Variants in CHODL observed in about 807,000 individuals in gnomAD.
CHODL encodes chondrolectin.
In CHODL, 29 loss-of-function variants were observed where a neutral mutation model predicts 34.5. That is an observed-to-expected ratio of 0.84 (90% CI 0.63 to 1.15). The LOEUF (loss-of-function observed/expected upper bound fraction) is 1.15, where lower values mean the gene tolerates loss of function less well. CHODL is among the 50% of genes most tolerant of loss of function. The pLI, the probability that CHODL is intolerant of heterozygous loss-of-function variation, is 0.00. For synonymous variants in CHODL, 125 were observed against 116.1 expected (o/e 1.08, Z -0.49); for missense variants, 332 against 332.5 (o/e 1.00, Z 0.01).
Position 18,118,777 on chromosome 21 carries a change from A to G in CHODL, c.-45+90806A>G, listed in dbSNP as rs570219493. Reference sequence around the variant, plus strand: ...TCTCCTTAATTATGTGCTTCCTTTCATAGCTCTTCTGTCTTGAAAGGGCAG... The same window carrying G: ...TCTCCTTAATTATGTGCTTCCTTTCGTAGCTCTTCTGTCTTGAAAGGGCAG... On this transcript the variant is annotated intron_variant, in intron 2 of 6. Transcript: ENST00000400127. Among the ~76,000 whole-genome samples the G allele has an allele frequency of 2.0e-5, 3 of 152,270 alleles. No individual in the cohort carries two copies. In the East Asian group the frequency reaches 5.8e-4, roughly 29 times the overall value.
chr21:18,155,103 A>G (rs1245595009), intron 2 of CHODL, among the ~76,000 whole-genome samples: 2 of 152,194 alleles, frequency 1.3e-5, no homozygotes, highest in Admixed American at 6.5e-5. Flanking sequence ...GGTTAGACAG[A>G]CATATTTATT....
At chr21:18,174,502 A>G (rs977032533) in intron 2 of CHODL, among the ~76,000 whole-genome samples, 1 of 152,188 alleles carries the variant, frequency 6.6e-6, no homozygotes, top group African/African-American at 2.4e-5. Context: ...ATTAACTTTC[A>G]TACTTAAGGC....
intron 2 of CHODL, among the ~76,000 whole-genome samples, chr21:18,223,531 G>T (rs2073903657): frequency 6.6e-6 from 1 of 152,064 alleles, no homozygotes; most frequent in South Asian, 2.1e-4. Flanking sequence ...CTTTTGAAGG[G>T]TCAGACTGCA....
intron 1 of CHODL, among the ~76,000 whole-genome samples, chr21:18,248,961 A>ATATACATATATGTAAATATATAT (rs2074194678): frequency 1.8e-5 from 2 of 111,336 alleles, no homozygotes; most frequent in Non-Finnish European, 3.2e-5. Flanking sequence ...TATATGTAAT[A>ATATACATATATGTAAATATATAT]TATACATATA....
chr21:18,174,287 C>T (rs1293695890), intron 2 of CHODL, among the ~76,000 whole-genome samples: 1 of 150,318 alleles, frequency 6.7e-6, no homozygotes, highest in African/African-American at 2.4e-5. Context: ...ATTTGAAAAT[C>T]ATATATACAT....
At chr21:18,132,900 TTATC>T (rs535046338) in intron 2 of CHODL, among the ~76,000 whole-genome samples, 101 of 152,238 alleles carry the variant, frequency 6.6e-4, no homozygotes, top group African/African-American at 2.3e-3. Context: ...TGAAAAGAGA[TTATC>T]TAGTATAATA....
At chr21:17,921,481 C>T (rs564972604) in intron 1 of CHODL, among the ~76,000 whole-genome samples, 1 of 152,282 alleles carries the variant, frequency 6.6e-6, no homozygotes, top group South Asian at 2.1e-4. Context: ...TGCTTTCTTC[C>T]TTTGCTACTT....
chr21:18,251,998 T>C (rs1297701072), intron 1 of CHODL, among the ~76,000 whole-genome samples: 2 of 152,080 alleles, frequency 1.3e-5, no homozygotes, highest in East Asian at 3.9e-4. Context: ...ATTTAAAAAT[T>C]AATTAGCTCC....
At chr21:18,120,035 G>A (rs922327780) in intron 2 of CHODL, among the ~76,000 whole-genome samples, 1 of 152,124 alleles carries the variant, frequency 6.6e-6, no homozygotes, top group African/African-American at 2.4e-5. Flanking sequence ...TTGGGATGGT[G>A]GTTGCAAGTC....
intron 1 of CHODL, among the ~76,000 whole-genome samples, chr21:17,958,482 A>G (rs2063508997): frequency 6.6e-6 from 1 of 152,118 alleles, no homozygotes. Flanking sequence ...ACCCCCTTCT[A>G]ATAACATTAT....
chr21:18,125,559 T>C (rs925390665), intron 2 of CHODL, among the ~76,000 whole-genome samples: 7 of 151,614 alleles, frequency 4.6e-5, no homozygotes, highest in South Asian at 2.1e-4. Context: ...TTACATTATT[T>C]TTAAATTTAA....
intron 2 of CHODL, among the ~76,000 whole-genome samples, chr21:18,083,784 G>A (rs2064970822): frequency 6.6e-6 from 1 of 152,208 alleles, no homozygotes. Flanking sequence ...TCCAATGCCT[G>A]TATTCCCATT....
chr21:18,158,779 G>A (rs1289734491), intron 2 of CHODL, among the ~76,000 whole-genome samples: 4 of 151,072 alleles, frequency 2.6e-5, no homozygotes, highest in Admixed American at 6.6e-5. Flanking sequence ...CGGAAGTTGC[G>A]GTGAGCCGAG....
In CHODL at chr21:17,923,118, G is replaced by T. The variant is rs542366806; in HGVS notation, c.-145+5718G>T. On this transcript the variant is annotated intron_variant, in intron 1 of 6. Coordinates refer to the CHODL transcript ENST00000400127. The stretch of plus-strand genomic sequence containing the variant: ...GATATGCATTTATCTCAGTGAGCAG[G>T]GGTGGGGGTTGGCTTTGAATAGAAT... Among the ~76,000 whole-genome samples, 6 of 152,262 alleles carry T rather than the reference G, an allele frequency of 3.9e-5. No individual in the cohort carries two copies. In the East Asian group the frequency reaches 1.2e-3, roughly 29 times the overall value.
chr21:18,228,194 A>G (rs2073948356), intron 2 of CHODL, among the ~76,000 whole-genome samples: 1 of 152,132 alleles, frequency 6.6e-6, no homozygotes, highest in Admixed American at 6.6e-5. Flanking sequence ...ATTGCTGCCA[A>G]TGGTTTAATT....
At chr21:18,263,017 A>G in intron 5 of CHODL, 124 bp downstream of exon 5, 2 of 602,150 alleles carry the variant, frequency 3.3e-6, no homozygotes, top group Non-Finnish European at 5.8e-6. Flanking sequence ...TATACATACA[A>G]TCTAATAAGA....
chr21:18,110,081 G>C (rs1168563746), intron 2 of CHODL, among the ~76,000 whole-genome samples: 2 of 152,158 alleles, frequency 1.3e-5, no homozygotes, highest in East Asian at 3.8e-4. Flanking sequence ...GGGATGCTGT[G>C]CAACTTTATG....
At chr21:18,235,570 T>C (rs946560677) in intron 2 of CHODL, among the ~76,000 whole-genome samples, 9 of 152,080 alleles carry the variant, frequency 5.9e-5, no homozygotes, top group African/African-American at 2.2e-4. Context: ...GTTATTTTTG[T>C]TATAAAAGAG....
At chr21:18,070,678 A>G (rs1405495434) in intron 2 of CHODL, among the ~76,000 whole-genome samples, 1 of 152,124 alleles carries the variant, frequency 6.6e-6, no homozygotes, top group Middle Eastern at 3.2e-3. Context: ...GCTTCTATAG[A>G]TATGCAGAAA....
Sources: allele counts gnomAD v4.1 joint callset (sites outside exome capture counted in the v4.1 genomes callset), GRCh38; gene constraint gnomAD v4.1.1; transcripts MANE v1.5; gene names NCBI Gene and HGNC (gene_info 2026-07-23, HGNC 2026-07-21).